The following FAT4 variants were observed in gnomAD, a reference collection of about 807,000 sequenced individuals.
FAT4 encodes the protein FAT atypical cadherin 4, also known as protocadherin Fat 4.
Under a neutral mutation model 303.9 loss-of-function variants are expected in FAT4, and 84 were observed. The ratio of observed to expected loss-of-function variants is 0.28; its 90% confidence interval spans 0.23 to 0.33. FAT4 has a LOEUF of 0.33. FAT4 is among the 10% of genes least tolerant of loss of function. FAT4 has a pLI of 1.00. For synonymous variants in FAT4, 2,307 were observed against 2,298.8 expected (o/e 1.00, Z -0.10); for missense variants, 6,005 against 6,146.8 (o/e 0.98, Z 0.77).
intron 13 of FAT4, 60 bp downstream of exon 13, chr4:125,476,316 A>T: frequency 2.3e-6 from 2 of 879,454 alleles, no homozygotes; most frequent in Non-Finnish European, 3.4e-6. Flanking sequence ...AATAAACTTT[A>T]TACCTAAAAA....
At chr4:125,400,043 G>A (rs1224731589) in intron 3 of FAT4, among the ~76,000 whole-genome samples, 1 of 151,636 alleles carries the variant, frequency 6.6e-6, no homozygotes, top group Non-Finnish European at 1.5e-5. Context: ...ACTCTTATTT[G>A]AAAGTAGCAG....
chr4:125,336,795 C>T (rs1215375011), intron 2 of FAT4, among the ~76,000 whole-genome samples: 25 of 150,558 alleles, frequency 1.7e-4, no homozygotes, highest in South Asian at 6.3e-4. Flanking sequence ...GATGTTGAGG[C>T]GATATGTTAG....
At chr4:125,391,111 A>C (rs1350959972) in intron 2 of FAT4, among the ~76,000 whole-genome samples, 2 of 152,190 alleles carry the variant, frequency 1.3e-5, no homozygotes, top group African/African-American at 4.8e-5. Flanking sequence ...AGACAATGGC[A>C]ATTCCTCAAG....
chr4:125,433,615 AT>A (rs1441796206), intron 7 of FAT4, among the ~76,000 whole-genome samples: 4 of 152,218 alleles, frequency 2.6e-5, no homozygotes, highest in African/African-American at 9.6e-5. Flanking sequence ...AAAATGAATC[AT>A]TTCACGTTAC....
intron 2 of FAT4, among the ~76,000 whole-genome samples, chr4:125,393,049 T>C (rs1734032559): frequency 6.6e-6 from 1 of 152,184 alleles, no homozygotes; most frequent in African/African-American, 2.4e-5. Flanking sequence ...ACAAAAAGTA[T>C]TAGTATGTTG....
At chr4:125,326,642 G>A (rs1013798182) in intron 2 of FAT4, among the ~76,000 whole-genome samples, 1 of 152,296 alleles carries the variant, frequency 6.6e-6, no homozygotes, top group Non-Finnish European at 1.5e-5. Context: ...AGCTGGATCA[G>A]TCTGTGGTTT....
chr4:125,437,067 C>G (rs989163487), intron 8 of FAT4, among the ~76,000 whole-genome samples: 2 of 152,072 alleles, frequency 1.3e-5, no homozygotes, highest in Non-Finnish European at 2.9e-5. Context: ...GTTGGCCACA[C>G]TGGTCTCCAA....
At position 125,317,044 on chromosome 4, in the gene FAT4, G is replaced by A; in HGVS notation, c.633G>A (p.Glu211=). The change falls in exon 2 of 18, where the codon GAG becomes GAA. Residue 211 remains glutamate (E), a synonymous_variant. Transcript: ENST00000394329. This position sits in a 1 kb window ranked among gnomAD's most constrained non-coding sequence, Gnocchi z 7.0. ...HLVSKGGLDR[E]VTPQYQLLVE... ...TGTCCAAGGGCGGACTGGACCGTGA[G>A]GTCACTCCGCAGTACCAGCTCCTGG... 6.2e-7 allele frequency: 1 copy of A among 1,614,034 alleles called. No individual in the cohort carries two copies. Among genetic ancestry groups the A allele is most frequent in the South Asian group, 1.1e-5 (1 of 91,086 alleles).
intron 2 of FAT4, among the ~76,000 whole-genome samples, chr4:125,373,770 A>T (rs1467076241): frequency 6.6e-6 from 1 of 152,206 alleles, no homozygotes; most frequent in Non-Finnish European, 1.5e-5. Context: ...TTCCAGGGTC[A>T]TACAGGTGAA....
chr4:125,331,132 C>T (rs569218583), intron 2 of FAT4, among the ~76,000 whole-genome samples: 12 of 152,220 alleles, frequency 7.9e-5, no homozygotes, highest in Admixed American at 6.5e-4. Context: ...CATCACCCGA[C>T]ATAACACATA....
rs1029519268 is a variant in FAT4 at position 125,315,676 on chromosome 4, G to A, written c.-314G>A. Among the ~76,000 whole-genome samples, 1 of 152,182 alleles carries A rather than the reference G, an allele frequency of 6.6e-6. No homozygotes were observed. The highest frequency in any genetic ancestry group is 1.5e-5 in the Non-Finnish European group (1 of 68,032). Reference sequence around the variant, plus strand: ...GGGGCGGCGGCGGCGGCGGCTGCAGGAGGGGAAGGGGCAGAGTTGAGCGCT... The same window carrying A: ...GGGGCGGCGGCGGCGGCGGCTGCAGAAGGGGAAGGGGCAGAGTTGAGCGCT... On this transcript the variant is annotated 5_prime_UTR_variant, in exon 1 of 18. Transcript: ENST00000394329.
rs1726110460 is a variant in FAT4 at position 125,452,188 on chromosome 4, C to G, written c.11178C>G (p.Asp3726Glu). 6.2e-7 allele frequency: 1 copy of G among 1,614,256 alleles called. No individual in the cohort carries two copies. Reference protein sequence around the residue: ...LLRLGVPTVKDFLTNHYLHFL... With the variant: ...LLRLGVPTVKEFLTNHYLHFL... ...GTCTCGGCGTACCAACAGTAAAGGA[C>G]TTCTTGACCAACCACTATCTTCATT... Residue 3726 changes from aspartate (D) to glutamate (E), a missense_variant, in exon 10 of 18, where the codon GAC becomes GAG. Asp to Glu is a conservative substitution (Grantham distance 45). Transcript: ENST00000394329.
At chr4:125,356,409 A>G (rs1732424613) in intron 2 of FAT4, among the ~76,000 whole-genome samples, 2 of 152,002 alleles carry the variant, frequency 1.3e-5, no homozygotes, top group Non-Finnish European at 2.9e-5. Flanking sequence ...TATGTAACAG[A>G]TTGTTATTTA....
chr4:125,385,756 A>T (rs977710960), intron 2 of FAT4, among the ~76,000 whole-genome samples: 1 of 152,070 alleles, frequency 6.6e-6, no homozygotes, highest in Non-Finnish European at 1.5e-5. Context: ...CAGATGTTTT[A>T]TCTGATTTTG....
chr4:125,376,914 TAAC>T (rs1362268718), intron 2 of FAT4, among the ~76,000 whole-genome samples: 1 of 151,996 alleles, frequency 6.6e-6, no homozygotes, highest in African/African-American at 2.4e-5. Context: ...AACAATAAAA[TAAC>T]AAAATAGAAG....
intron 2 of FAT4, among the ~76,000 whole-genome samples, chr4:125,381,364 A>T (rs1343050105): frequency 2.0e-5 from 3 of 152,202 alleles, no homozygotes; most frequent in African/African-American, 4.8e-5. Context: ...TACCTCTGAG[A>T]CATTTCAGAT....
At chr4:125,407,948 G>C (rs2126020587) in intron 4 of FAT4, among the ~76,000 whole-genome samples, 1 of 152,206 alleles carries the variant, frequency 6.6e-6, no homozygotes, top group Non-Finnish European at 1.5e-5. Context: ...TCTACCTGAA[G>C]TTTTTTCTTC....
chr4:125,384,231 T>C (rs530817409), intron 2 of FAT4, among the ~76,000 whole-genome samples: 35 of 152,326 alleles, frequency 2.3e-4, no homozygotes, highest in African/African-American at 7.2e-4. Context: ...ATTTAACATA[T>C]TGAGGAACTG....
At chr4:125,475,231 G>A (rs1461678423) in intron 12 of FAT4, among the ~76,000 whole-genome samples, 1 of 151,678 alleles carries the variant, frequency 6.6e-6, no homozygotes, top group Non-Finnish European at 1.5e-5. Context: ...TGAAGTTTGG[G>A]GAACAAAGGA....
Sources: gnomAD v4.1 joint callset for allele counts (sites outside exome capture counted in the v4.1 genomes callset) on GRCh38, gnomAD v4.1.1 for gene constraint, Gnocchi (gnomAD v3.1) non-coding constraint, MANE v1.5 for transcripts, NCBI Gene and HGNC (gene_info 2026-07-23, HGNC 2026-07-21) for gene names.